FHIT: variants seen among roughly 807,000 people sequenced by gnomAD.
FHIT encodes the protein bis(5'-adenosyl)-triphosphatase.
FHIT carries 19 observed loss-of-function variants against 17.9 expected under a neutral mutation model. That is an observed-to-expected ratio of 1.06 (90% CI 0.74 to 1.56). The LOEUF is 1.56. Ranked by LOEUF, FHIT falls within the 40% of genes most tolerant of loss-of-function variation. The pLI, the probability that FHIT is intolerant of heterozygous loss-of-function variation, is 0.00. For synonymous variants in FHIT, 81 were observed against 69.7 expected (o/e 1.16, Z -0.81); for missense variants, 248 against 189.2 (o/e 1.31, Z -1.82).
At chr3:60,296,651 A>G (rs572077868) in intron 5 of FHIT, among the ~76,000 whole-genome samples, 94 of 151,996 alleles carry the variant, frequency 6.2e-4, no homozygotes, top group Non-Finnish European at 1.2e-3. Context: ...AATTTTTTAA[A>G]TTTTGAAGTT....
At chr3:60,534,739 T>A (rs921779027) in intron 5 of FHIT, among the ~76,000 whole-genome samples, 28 of 152,154 alleles carry the variant, frequency 1.8e-4, no homozygotes, top group African/African-American at 6.5e-4. Context: ...CTCCGAGCCC[T>A]TGGTATTTAC....
At chr3:60,276,274 C>G (rs1707130218) in intron 5 of FHIT, among the ~76,000 whole-genome samples, 1 of 152,206 alleles carries the variant, frequency 6.6e-6, no homozygotes, top group Non-Finnish European at 1.5e-5. Flanking sequence ...GCATGAGCCA[C>G]TGCACCCGGC....
chr3:60,130,911 A>T (rs904240844), intron 5 of FHIT, among the ~76,000 whole-genome samples: 2 of 144,178 alleles, frequency 1.4e-5, no homozygotes, highest in African/African-American at 5.0e-5. Flanking sequence ...ATATACACAT[A>T]TATGTATACA....
chr3:60,585,288 A>T (rs1320190619), intron 4 of FHIT, among the ~76,000 whole-genome samples: 1 of 152,038 alleles, frequency 6.6e-6, no homozygotes, highest in Non-Finnish European at 1.5e-5. Flanking sequence ...ATGCGTAATC[A>T]GAGATACGTA....
At chr3:60,926,067 A>T (rs1331689013) in intron 3 of FHIT, among the ~76,000 whole-genome samples, 11 of 152,294 alleles carry the variant, frequency 7.2e-5, no homozygotes, top group African/African-American at 2.6e-4. Flanking sequence ...AAGTCCTTAG[A>T]GACCTACAAA....
chr3:60,177,726 A>G (rs1701742530), intron 5 of FHIT, among the ~76,000 whole-genome samples: 2 of 152,212 alleles, frequency 1.3e-5, no homozygotes, highest in South Asian at 4.1e-4. Context: ...TGCCAAACCT[A>G]GTGATATGAT....
At chr3:60,827,971 T>G (rs953065138) in intron 3 of FHIT, among the ~76,000 whole-genome samples, 1 of 152,182 alleles carries the variant, frequency 6.6e-6, no homozygotes, top group Non-Finnish European at 1.5e-5. Context: ...TGAGAATGCT[T>G]TAGTAAAATA....
intron 7 of FHIT, among the ~76,000 whole-genome samples, chr3:59,988,513 A>G (rs1373284909): frequency 6.6e-6 from 1 of 152,044 alleles, no homozygotes; most frequent in African/African-American, 2.4e-5. Flanking sequence ...TCATCCATCT[A>G]TTCATTCATT....
chr3:61,070,996 GT>G (rs1298940296), intron 2 of FHIT, among the ~76,000 whole-genome samples: 2 of 152,120 alleles, frequency 1.3e-5, no homozygotes, highest in African/African-American at 4.8e-5. Context: ...ACTTATGGAG[GT>G]TTTTATTTCA....
intron 4 of FHIT, among the ~76,000 whole-genome samples, chr3:60,671,098 G>A (rs2107842052): frequency 6.6e-6 from 1 of 152,174 alleles, no homozygotes; most frequent in Admixed American, 6.5e-5. Context: ...GCCAAATTGG[G>A]TACACTCACT....
At chr3:60,118,768 G>T in intron 5 of FHIT, among the ~76,000 whole-genome samples, 1 of 113,066 alleles carries the variant, frequency 8.8e-6, no homozygotes, top group Non-Finnish European at 2.0e-5. Context: ...GCTGAGGTGG[G>T]GGCGGCGGGG....
At chr3:60,431,516 C>T (rs1445355676) in intron 5 of FHIT, among the ~76,000 whole-genome samples, 1 of 152,056 alleles carries the variant, frequency 6.6e-6, no homozygotes, top group Non-Finnish European at 1.5e-5. Flanking sequence ...CCCACACATA[C>T]TTGAAAGGGA....
intron 3 of FHIT, among the ~76,000 whole-genome samples, chr3:60,973,583 C>T (rs1710116583): frequency 1.3e-5 from 2 of 152,178 alleles, no homozygotes; most frequent in Admixed American, 1.3e-4. Context: ...GCTATTTCCA[C>T]TTTAGAAACT....
intron 8 of FHIT, among the ~76,000 whole-genome samples, chr3:59,791,745 G>T (rs1699571185): frequency 6.6e-6 from 1 of 152,148 alleles, no homozygotes; most frequent in Non-Finnish European, 1.5e-5. Context: ...CTAGGGCAAG[G>T]ACATTTCCAC....
intron 3 of FHIT, among the ~76,000 whole-genome samples, chr3:61,034,612 T>C (rs542927361): frequency 2.6e-5 from 4 of 152,278 alleles, no homozygotes; most frequent in South Asian, 2.1e-4. Context: ...ATGGCTATTA[T>C]TTTCTTTAAT....
chr3:60,683,636 T>G (rs1240000635), intron 4 of FHIT, among the ~76,000 whole-genome samples: 9 of 152,204 alleles, frequency 5.9e-5, no homozygotes, highest in African/African-American at 2.2e-4. Context: ...TATTGCAATA[T>G]TCACTTTATT....
At chr3:60,795,150 C>G (rs1357257450) in intron 4 of FHIT, among the ~76,000 whole-genome samples, 1 of 152,150 alleles carries the variant, frequency 6.6e-6, no homozygotes, top group Non-Finnish European at 1.5e-5. Flanking sequence ...TGTTCCATAA[C>G]TATACACAGA....
intron 4 of FHIT, among the ~76,000 whole-genome samples, chr3:60,558,496 G>A (rs1245797374): frequency 6.6e-6 from 1 of 151,932 alleles, no homozygotes; most frequent in Non-Finnish European, 1.5e-5. Flanking sequence ...CTTGACCCCT[G>A]AGTCTAATGA....
chr3:60,726,937 A>G (rs1384353552), intron 4 of FHIT, among the ~76,000 whole-genome samples: 4 of 152,218 alleles, frequency 2.6e-5, no homozygotes, highest in Non-Finnish European at 4.4e-5. Context: ...CCTAACTCCA[A>G]GTTGAGTCTT....
Sources: gnomAD v4.1 joint callset for allele counts (sites outside exome capture counted in the v4.1 genomes callset) on GRCh38, gnomAD v4.1.1 for gene constraint, MANE v1.5 for transcripts, NCBI Gene and HGNC (gene_info 2026-07-23, HGNC 2026-07-21) for gene names.